Variants in DDC observed in about 807,000 individuals in gnomAD.
DDC encodes the protein aromatic-L-amino-acid decarboxylase.
A neutral mutation model predicts 60.0 loss-of-function variants in DDC; 43 were observed. The ratio of observed to expected loss-of-function variants is 0.72; its 90% CI spans 0.56 to 0.92. The LOEUF (loss-of-function observed/expected upper bound fraction) is 0.92. DDC is among the 40% of genes least tolerant of loss of function. DDC has a pLI of 0.00. For synonymous variants in DDC, 232 were observed against 234.6 expected, an observed-to-expected ratio of 0.99 and a Z score of 0.10; for missense variants, 573 against 620.2, an observed-to-expected ratio of 0.92 and a Z score of 0.81.
At chr7:50,511,748 GA>G (rs2043587672) in intron 6 of DDC, among the ~76,000 whole-genome samples, 1 of 151,306 alleles carries the variant, frequency 6.6e-6, no homozygotes, top group South Asian at 2.1e-4. Context: ...AAAAGAAAAA[GA>G]AAAAAAATTG....
chr7:50,495,122 C>A (rs1161531959), intron 9 of DDC, among the ~76,000 whole-genome samples: 1 of 152,170 alleles, frequency 6.6e-6, no homozygotes, highest in East Asian at 1.9e-4. Context: ...AAAAAATTGT[C>A]CTTTTTAGGC....
Position 50,462,768 on chromosome 7 carries a change from G to GTTTTTTTTTTT in DDC, c.*18+434_*18+444dup, listed in dbSNP as rs11302809. On this transcript the variant is annotated intron_variant, in intron 14 of 14. Coordinates refer to ENST00000444124, the MANE Select transcript of DDC (RefSeq NM_001082971.2). Reference sequence around the variant, plus strand: ...ATTAACATGGTTTTCTCTTCTTCTTGTTTTTTTTTTTTTTTTTTTTTGGAC... The same window carrying GTTTTTTTTTTT: ...ATTAACATGGTTTTCTCTTCTTCTTGTTTTTTTTTTTTTTTTTTTTTTTTTTTTTTTTGGAC... Among the ~76,000 whole-genome samples, 57 of 98,324 alleles carry GTTTTTTTTTTT rather than the reference G, an allele frequency of 5.8e-4. 1 individual carries two copies. The highest frequency in any genetic ancestry group is 1.8e-3 in the African/African-American group (45 of 25,638). 64.5% of individuals were successfully genotyped at this position (98,324 alleles called of 152,430 possible).
intron 4 of DDC, among the ~76,000 whole-genome samples, chr7:50,529,907 A>G (rs141011798): frequency 2.0e-3 from 311 of 152,286 alleles, no homozygotes; most frequent in Non-Finnish European, 3.9e-3. Context: ...ATTTGGAGAT[A>G]GGCTTTTTAG....
At chr7:50,462,051 C>T (rs1024103166) in intron 14 of DDC, among the ~76,000 whole-genome samples, 1 of 151,888 alleles carries the variant, frequency 6.6e-6, no homozygotes, top group Non-Finnish European at 1.5e-5. Context: ...TTAAAATCAA[C>T]AGCAAAGAAG....
At chr7:50,464,088 C>T (rs913983109) in intron 13 of DDC, among the ~76,000 whole-genome samples, 7 of 152,028 alleles carry the variant, frequency 4.6e-5, no homozygotes, top group Non-Finnish European at 1.0e-4. Flanking sequence ...TCTCCCTTTG[C>T]TCCTCTGTCC....
At chr7:50,552,708 A>G (rs565277902) in intron 1 of DDC, among the ~76,000 whole-genome samples, 27 of 152,346 alleles carry the variant, frequency 1.8e-4, no homozygotes, top group African/African-American at 6.0e-4. Context: ...GCCCTGGACA[A>G]CAGAGAGCAC....
intron 4 of DDC, among the ~76,000 whole-genome samples, chr7:50,532,343 C>T (rs1235398433): frequency 6.6e-6 from 1 of 152,218 alleles, no homozygotes; most frequent in Admixed American, 6.5e-5. Flanking sequence ...AGGAATATTC[C>T]TACCCAAATG....
At chr7:50,461,892 A>G (rs1263498993) in intron 14 of DDC, among the ~76,000 whole-genome samples, 1 of 152,152 alleles carries the variant, frequency 6.6e-6, no homozygotes, top group Non-Finnish European at 1.5e-5. Flanking sequence ...TGCACCAGGG[A>G]AAGGACCTGG....
intron 4 of DDC, among the ~76,000 whole-genome samples, chr7:50,536,825 G>T (rs1004898487): frequency 6.6e-6 from 1 of 152,230 alleles, no homozygotes; most frequent in Non-Finnish European, 1.5e-5. Flanking sequence ...CTGCACAAAG[G>T]TGTTCTCCAG....
At chr7:50,467,172 C>A (rs2042417420) in intron 13 of DDC, 42 bp downstream of exon 13, 1 of 1,507,884 alleles carries the variant, frequency 6.6e-7, no homozygotes, top group African/African-American at 1.4e-5. Flanking sequence ...TCCCCTCTGT[C>A]ACATTCACAG....
chr7:50,473,145 C>A (rs1199570298), intron 11 of DDC, among the ~76,000 whole-genome samples: 12 of 152,132 alleles, frequency 7.9e-5, no homozygotes, highest in Admixed American at 7.9e-4. Flanking sequence ...AGAGAAGATG[C>A]CGGGAAATAC....
intron 6 of DDC, among the ~76,000 whole-genome samples, chr7:50,510,772 G>C (rs1330472191): frequency 7.9e-5 from 12 of 151,514 alleles, no homozygotes; most frequent in African/African-American, 2.7e-4. Context: ...ACGAGGTCAG[G>C]AGATCGAGAC....
intron 6 of DDC, among the ~76,000 whole-genome samples, chr7:50,507,084 G>A (rs2043419437): frequency 6.6e-6 from 1 of 152,128 alleles, no homozygotes; most frequent in African/African-American, 2.4e-5. Context: ...TTATCCTTAA[G>A]AGAATAGCGA....
intron 6 of DDC, among the ~76,000 whole-genome samples, chr7:50,511,710 C>A (rs150947873): frequency 2.6e-4 from 40 of 151,694 alleles, no homozygotes; most frequent in African/African-American, 9.4e-4. Context: ...GCCTGGGCGA[C>A]AGAGCGAGAC....
chr7:50,554,705 TC>T (rs1287463463), intron 1 of DDC, among the ~76,000 whole-genome samples: 1 of 152,210 alleles, frequency 6.6e-6, no homozygotes, highest in African/African-American at 2.4e-5. Context: ...ATACAACTGC[TC>T]TTCTCAGAGA....
intron 9 of DDC, among the ~76,000 whole-genome samples, chr7:50,485,781 C>T (rs755738111): frequency 9.2e-5 from 14 of 152,156 alleles, no homozygotes; most frequent in Non-Finnish European, 1.6e-4. Context: ...GAAAAAGCCT[C>T]TGAGTAGAGA....
intron 6 of DDC, chr7:50,527,792 T>C: frequency 1.0e-5 from 3 of 286,144 alleles, no homozygotes; most frequent in Non-Finnish European, 2.0e-5. Flanking sequence ...GCTGTCACCT[T>C]GCTCTGCGTG....
rs1177869351 is a variant in DDC, at chr7:50,528,152, G to A, written c.699C>T (p.Gly233=). 6.2e-7 allele frequency: 1 copy of A among 1,613,084 alleles called. No individual in the cohort carries two copies. Among genetic ancestry groups the A allele is most frequent in the Non-Finnish European group, 8.5e-7 (1 of 1,180,022 alleles). ...QEALERDKAA[G]LIPFFMVATL... ...CCGAACTTACAAAGAAAGGAATCAG[G>A]CCAGCCGCTTTGTCTCTCTCCAGGG... is the stretch of plus-strand genomic sequence containing the variant. Residue 233 remains glycine, a synonymous_variant, in exon 6 of 15, where the codon GGC becomes GGT. Transcript: ENST00000444124.
At chr7:50,505,236 C>G (rs1293211065) in intron 6 of DDC, among the ~76,000 whole-genome samples, 4 of 152,228 alleles carry the variant, frequency 2.6e-5, no homozygotes, top group African/African-American at 9.6e-5. Flanking sequence ...TGAGCATTTG[C>G]ACTTTGCTGG....
Sources: allele counts gnomAD v4.1 joint callset (sites outside exome capture counted in the v4.1 genomes callset), GRCh38; gene constraint gnomAD v4.1.1; transcripts MANE v1.5; gene names NCBI Gene and HGNC (gene_info 2026-07-23, HGNC 2026-07-21).